NTM: variants seen among roughly 807,000 people sequenced by gnomAD.
NTM encodes IgLON family member 2.
In NTM, 13 loss-of-function variants were observed where a neutral mutation model predicts 42.1. The ratio of observed to expected loss-of-function variants is 0.31; its 90% CI spans 0.20 to 0.49. The LOEUF (loss-of-function observed/expected upper bound fraction) is 0.49, where lower values mean the gene tolerates loss of function less well. NTM is among the 20% of genes least tolerant of loss of function. The pLI, the probability that NTM is intolerant of heterozygous loss-of-function variation, is 0.99. For missense variants in NTM, 373 were observed against 452.8 expected (o/e 0.82, Z 1.60); for synonymous variants, 187 against 179.2 (o/e 1.04, Z -0.35).
At chr11:132,318,915 C>T (rs1367447141) in intron 7 of NTM, among the ~76,000 whole-genome samples, 1 of 151,292 alleles carries the variant, frequency 6.6e-6, no homozygotes, top group Non-Finnish European at 1.5e-5. Context: ...AAAAAAAGTA[C>T]CTTTTTATCA....
At chr11:132,161,269 T>A (rs571916596) in intron 3 of NTM, among the ~76,000 whole-genome samples, 2 of 151,810 alleles carry the variant, frequency 1.3e-5, no homozygotes, top group East Asian at 3.9e-4. Flanking sequence ...ATCGGCAGAA[T>A]CAGCAGATGG....
chr11:131,950,571 G>C (rs1047847698), intron 2 of NTM, among the ~76,000 whole-genome samples: 1 of 152,144 alleles, frequency 6.6e-6, no homozygotes, highest in African/African-American at 2.4e-5. Context: ...AAAAAGAACA[G>C]AGTCTGGTCA....
At chr11:132,077,218 T>C (rs2058478480) in intron 2 of NTM, among the ~76,000 whole-genome samples, 1 of 152,246 alleles carries the variant, frequency 6.6e-6, no homozygotes, top group Non-Finnish European at 1.5e-5. Flanking sequence ...CAATTTGGTC[T>C]TGCATATTGG....
chr11:131,609,559 C>T (rs1194215388), intron 1 of NTM, among the ~76,000 whole-genome samples: 6 of 152,124 alleles, frequency 3.9e-5, no homozygotes, highest in East Asian at 1.9e-4. Context: ...GACTTAATCC[C>T]GAGAAGATCG....
chr11:131,642,936 C>T (rs1252414921), intron 1 of NTM, among the ~76,000 whole-genome samples: 3 of 152,002 alleles, frequency 2.0e-5, no homozygotes, highest in Non-Finnish European at 4.4e-5. Flanking sequence ...TCAGCATAAT[C>T]GCTTCTTAAT....
chr11:131,777,646 A>G (rs920816343), intron 1 of NTM, among the ~76,000 whole-genome samples: 6 of 152,098 alleles, frequency 3.9e-5, no homozygotes, highest in East Asian at 1.9e-4. Context: ...AATGACTTCC[A>G]AAAGTATTGT....
At chr11:131,554,559 AAC>A (rs2055142849) in intron 1 of NTM, among the ~76,000 whole-genome samples, 2 of 150,900 alleles carry the variant, frequency 1.3e-5, no homozygotes, top group African/African-American at 4.9e-5. Context: ...AAAAAAAAAA[AAC>A]TCATGGGTAC....
At chr11:131,387,836 A>C (rs2135565325) in intron 1 of NTM, among the ~76,000 whole-genome samples, 2 of 151,576 alleles carry the variant, frequency 1.3e-5, no homozygotes, top group East Asian at 3.9e-4. Flanking sequence ...AAAGTTTGTC[A>C]AGACTGACTC....
intron 1 of NTM, among the ~76,000 whole-genome samples, chr11:131,719,242 CTTG>C (rs550060882): frequency 4.3e-4 from 65 of 152,232 alleles, no homozygotes; most frequent in African/African-American, 1.5e-3. Flanking sequence ...TGTTCCTAAT[CTTG>C]TTGTTGTTTC....
chr11:132,286,531 A>G (rs1003387248), intron 4 of NTM, among the ~76,000 whole-genome samples: 1 of 151,944 alleles, frequency 6.6e-6, no homozygotes, highest in African/African-American at 2.4e-5. Context: ...CCCCACCCAA[A>G]CACACACAGC....
chr11:132,281,932 T>C (rs3099786), intron 4 of NTM, among the ~76,000 whole-genome samples: 1 of 152,014 alleles, frequency 6.6e-6, no homozygotes, highest in Admixed American at 6.5e-5. Flanking sequence ...TATTAATTTC[T>C]GCTTCCAAAC....
At position 132,023,810 on chromosome 11, in the gene NTM, TTTGTTG is replaced by T. The variant is rs137975664; in HGVS notation, c.167+112184_167+112189del. Among the ~76,000 whole-genome samples, 26 of 145,522 alleles carry T rather than the reference TTTGTTG, an allele frequency of 1.8e-4. No homozygotes were observed. In the East Asian group the frequency reaches 2.2e-3, roughly 13 times the overall value. On this transcript the variant is annotated intron_variant, in intron 2 of 8. Coordinates refer to ENST00000683400, the MANE Select transcript of NTM (RefSeq NM_001352005.2). ...TGGTTTTGTTGTTGGTGGTGGTGGT[TTTGTTG>T]TTGTTGTTGTTGTTGTTGTTGAGAT...
chr11:132,321,383 G>A (rs1176700404), intron 7 of NTM, among the ~76,000 whole-genome samples: 1 of 152,160 alleles, frequency 6.6e-6, no homozygotes, highest in Admixed American at 6.5e-5. Flanking sequence ...GAAGAATGCA[G>A]AAGCCTCAGG....
intron 1 of NTM, among the ~76,000 whole-genome samples, chr11:131,825,460 C>G (rs1040072324): frequency 2.6e-5 from 4 of 152,106 alleles, no homozygotes; most frequent in African/African-American, 9.7e-5. Flanking sequence ...CACTTGATGT[C>G]TTTGGCTTCT....
intron 1 of NTM, among the ~76,000 whole-genome samples, chr11:131,586,143 T>C (rs1210202733): frequency 6.6e-6 from 1 of 152,146 alleles, no homozygotes; most frequent in Non-Finnish European, 1.5e-5. Context: ...TCTCTCTCTG[T>C]CACCCAGGCT....
At chr11:131,565,467 C>T (rs922857289) in intron 1 of NTM, among the ~76,000 whole-genome samples, 6 of 152,188 alleles carry the variant, frequency 3.9e-5, no homozygotes, top group African/African-American at 1.4e-4. Flanking sequence ...GTTCTCATGC[C>T]ATTGCCACAC....
chr11:132,285,339 C>T (rs1432943314), intron 4 of NTM, among the ~76,000 whole-genome samples: 1 of 152,176 alleles, frequency 6.6e-6, no homozygotes, highest in East Asian at 1.9e-4. Context: ...CTCTGAGCTC[C>T]CTTTGTACCT....
intron 2 of NTM, among the ~76,000 whole-genome samples, chr11:131,991,352 T>A (rs4937668): frequency 0.31 from 46,583 of 152,044 alleles, 8,013 homozygotes; most frequent in South Asian, 0.53. Context: ...GTTACTGTAG[T>A]CCACTTTTCT....
chr11:131,603,321 A>G (rs1204181648), intron 1 of NTM, among the ~76,000 whole-genome samples: 2 of 152,080 alleles, frequency 1.3e-5, no homozygotes, highest in Non-Finnish European at 2.9e-5. Context: ...TAATGTGCAT[A>G]TGAATAACTG....
Sources: allele counts gnomAD v4.1 joint callset (sites outside exome capture counted in the v4.1 genomes callset), GRCh38; gene constraint gnomAD v4.1.1; transcripts MANE v1.5; gene names NCBI Gene and HGNC (gene_info 2026-07-23, HGNC 2026-07-21).